The following RWDD3 variants were observed in gnomAD, a reference collection of about 807,000 sequenced individuals.
RWDD3 encodes the protein RWD domain containing 3, also known as RWD domain-containing protein 3.
A neutral mutation model predicts 26.5 loss-of-function variants in RWDD3; 30 were observed. The observed-to-expected ratio is 1.13, with a 90% confidence interval of 0.85 to 1.54. The LOEUF (loss-of-function observed/expected upper bound fraction) is 1.54. RWDD3 is among the 40% of genes most tolerant of loss of function. The pLI is 0.00. For synonymous variants in RWDD3, 113 were observed against 114.5 expected (o/e 0.99, Z 0.09); for missense variants, 296 against 309.1 (o/e 0.96, Z 0.32).
chr1:95,244,835 T>C, intron 2 of RWDD3, 137 bp downstream of exon 2: 1 of 969,170 alleles, frequency 1.0e-6, no homozygotes, highest in African/African-American at 1.7e-5. Flanking sequence ...TCTTAATGGA[T>C]CTTCCTTTTC....
At chr1:95,240,059 G>A (rs640527) in intron 1 of RWDD3, 555,443 of 604,194 alleles carry the variant, frequency 0.92, 256,009 homozygotes, top group East Asian at 1. Context: ...CCTCCTTATA[G>A]GGACCCTTGT....
At chr1:95,244,144 G>A in intron 1 of RWDD3, 67 bp from the exon 2 acceptor site, 2 of 1,534,618 alleles carry the variant, frequency 1.3e-6, no homozygotes, top group South Asian at 2.6e-5. Context: ...ACAAAAGTTT[G>A]AACTTGCTGG....
intron 1 of RWDD3, among the ~76,000 whole-genome samples, chr1:95,234,687 A>C: frequency 6.7e-6 from 1 of 149,838 alleles, no homozygotes; most frequent in South Asian, 2.1e-4. Flanking sequence ...CCTAAGCACT[A>C]TGCCCTAGGC....
intron 1 of RWDD3, among the ~76,000 whole-genome samples, chr1:95,240,297 A>G (rs1680559352): frequency 6.6e-6 from 1 of 152,228 alleles, no homozygotes; most frequent in African/African-American, 2.4e-5. Context: ...CAAGAGCTGT[A>G]TGACTGTACA....
intron 1 of RWDD3, among the ~76,000 whole-genome samples, chr1:95,234,588 ACCCCCAGGCCCT>A (rs1680204748): frequency 6.7e-6 from 1 of 148,684 alleles, no homozygotes; most frequent in Admixed American, 6.7e-5. Context: ...CTGCGTGCGC[ACCCCCAGGCCCT>A]CCCCCAGCCT....
intron 1 of RWDD3, among the ~76,000 whole-genome samples, chr1:95,236,760 T>A (rs1680377935): frequency 1.3e-5 from 2 of 152,198 alleles, no homozygotes; most frequent in Admixed American, 1.3e-4. Flanking sequence ...CCTAAATTCC[T>A]TTATTATGGC....
rs1193481870 is a variant in RWDD3, at chr1:95,244,560, T to C, written c.435T>C (p.His145=). 1.9e-6 allele frequency: 3 copies of C among 1,614,192 alleles called. No homozygotes were observed. Among genetic ancestry groups the C allele is most frequent in the Non-Finnish European group, 2.5e-6 (3 of 1,180,032 alleles). Residue 145 remains histidine, a synonymous_variant, in exon 2 of 4, where the codon CAT becomes CAC. Coordinates refer to ENST00000370202, the MANE Select transcript of RWDD3 (RefSeq NM_015485.5). ...ATGGATTGTGGATAACTCTTTTGCA[T>C]TTAGATCACATGAGAGCAAAGACTA... ...MDDGLWITLL[H]LDHMRAKTKY...
intron 1 of RWDD3, chr1:95,243,671 TAAG>T (rs1680725819): frequency 6.5e-6 from 1 of 153,692 alleles, no homozygotes; most frequent in Admixed American, 6.5e-5. Context: ...ATATGTGAAA[TAAG>T]AAGAGAACAT....
At chr1:95,237,702 G>A (rs1367376162) in intron 1 of RWDD3, among the ~76,000 whole-genome samples, 1 of 152,178 alleles carries the variant, frequency 6.6e-6, no homozygotes, top group Admixed American at 6.5e-5. Context: ...ATTGTAGTCA[G>A]TCCAGGTGCC....
intron 1 of RWDD3, among the ~76,000 whole-genome samples, chr1:95,236,400 C>T (rs2101095328): frequency 6.6e-6 from 1 of 152,076 alleles, no homozygotes; most frequent in South Asian, 2.1e-4. Context: ...GATTAAGATC[C>T]TTCATGATAT....
At chr1:95,239,846 A>G in intron 1 of RWDD3, 1 of 1,289,806 alleles carries the variant, frequency 7.8e-7, no homozygotes, top group Non-Finnish European at 1.0e-6. Context: ...TAGCTTTTCA[A>G]GACTTTCCCC....
chr1:95,239,830 G>C, intron 1 of RWDD3: 1 of 1,289,634 alleles, frequency 7.8e-7, no homozygotes, highest in Non-Finnish European at 1.0e-6. Context: ...GACATGGCTG[G>C]CTCAGTAGCT....
chr1:95,236,926 C>T (rs1680386334), intron 1 of RWDD3, among the ~76,000 whole-genome samples: 2 of 152,306 alleles, frequency 1.3e-5, no homozygotes, highest in South Asian at 4.1e-4. Flanking sequence ...AAAACAGTTT[C>T]TTAATCTTGA....
At chr1:95,244,750 T>G (rs918029817) in intron 2 of RWDD3, 52 bp downstream of exon 2, 14 of 1,574,304 alleles carry the variant, frequency 8.9e-6, no homozygotes, top group Non-Finnish European at 1.1e-5. Context: ...CTGCTTTAAA[T>G]GGTGTGTCTT....
chr1:95,242,517 G>A (rs1323168142), intron 1 of RWDD3, among the ~76,000 whole-genome samples: 2 of 152,190 alleles, frequency 1.3e-5, no homozygotes, highest in African/African-American at 4.8e-5. Flanking sequence ...CAGCCTAAAT[G>A]GTTGTGTGTT....
intron 1 of RWDD3, among the ~76,000 whole-genome samples, chr1:95,240,779 T>A (rs1460799413): frequency 6.7e-6 from 1 of 149,418 alleles, no homozygotes; most frequent in Non-Finnish European, 1.5e-5. Flanking sequence ...ATTAGGAGGG[T>A]GGAAGGGAGA....
chr1:95,242,521 G>A (rs2101115198), intron 1 of RWDD3, among the ~76,000 whole-genome samples: 1 of 152,358 alleles, frequency 6.6e-6, no homozygotes. Flanking sequence ...CTAAATGGTT[G>A]TGTGTTGTCT....
intron 1 of RWDD3, among the ~76,000 whole-genome samples, chr1:95,240,409 A>C (rs754652753): frequency 2.0e-5 from 3 of 152,194 alleles, no homozygotes; most frequent in African/African-American, 7.2e-5. Context: ...AACCACAATA[A>C]TTCTGGACAT....
Position 95,244,370 on chromosome 1 carries a change from C to T in RWDD3, c.245C>T (p.Thr82Ile). The T allele has an allele frequency of 6.2e-7, 1 of 1,614,166 alleles. No individual in the cohort carries two copies. The highest frequency in any genetic ancestry group is 8.5e-7 in the Non-Finnish European group (1 of 1,180,030). Residue 82 changes from threonine to isoleucine, a missense_variant, in exon 2 of 4, where the codon ACT becomes ATT. Physicochemically the swap from Thr to Ile is moderately conservative, Grantham distance 89. Coordinates refer to ENST00000370202, the MANE Select transcript of RWDD3 (RefSeq NM_015485.5). The stretch of plus-strand genomic sequence containing the variant: ...CAGTTGACCAGGGCCCAGTGTGTGA[C>T]TGTGAAAGAGAATTTACTTGAGCAA... ...SEQLTRAQCV[T>I]VKENLLEQAE... is the part of the protein sequence containing the mutation.
Sources: allele counts gnomAD v4.1 joint callset (sites outside exome capture counted in the v4.1 genomes callset), GRCh38; gene constraint gnomAD v4.1.1; transcripts MANE v1.5; gene names NCBI Gene and HGNC (gene_info 2026-07-23, HGNC 2026-07-21).